Variants in PDK2 observed in about 807,000 individuals in gnomAD.
PDK2 encodes pyruvate dehydrogenase kinase, isozyme 2.
PDK2 carries 34 observed loss-of-function variants against 50.4 expected under a neutral mutation model. The observed-to-expected ratio is 0.68, with a 90% CI of 0.51 to 0.90. The LOEUF (loss-of-function observed/expected upper bound fraction) is 0.90, where lower values mean the gene tolerates loss of function less well. Among genes scored for constraint, PDK2 ranks in the 40% least tolerant of loss-of-function variants. PDK2 has a pLI of 0.00. For missense variants in PDK2, 377 were observed against 544.5 expected, an observed-to-expected ratio of 0.69 and a Z score of 3.06; for synonymous variants, 232 against 216.0, an observed-to-expected ratio of 1.07 and a Z score of -0.65.
chr17:50,097,413 C>A lies in PDK2; in HGVS notation c.119-10C>A. On this transcript the variant is annotated splice_polypyrimidine_tract_variant and intron_variant, in intron 1 of 10. Transcript: ENST00000503176. The stretch of plus-strand genomic sequence containing the variant: ...GTGGCTCTGTGGCTCACCCCTCTTT[C>A]TCCTGCCAGGATCCAGCAATGCCTG... 6.2e-7 allele frequency: 1 copy of A among 1,613,226 alleles called. No homozygotes were observed. The highest frequency in any genetic ancestry group is 8.5e-7 in the Non-Finnish European group (1 of 1,179,914).
At position 50,099,569 on chromosome 17, in the gene PDK2, G is replaced by A. The variant is rs7216627; in HGVS notation, c.260+2005G>A. ...AGCACTTTGGGAGGCCGAGGCGGGCGGATCACAAGGTCAGGAGATCGAGAC... is the reference window on the plus strand; with the variant it reads ...AGCACTTTGGGAGGCCGAGGCGGGCAGATCACAAGGTCAGGAGATCGAGAC... On this transcript the variant is annotated intron_variant, in intron 2 of 10. Transcript: ENST00000503176. 5.8e-3 allele frequency among the ~76,000 whole-genome samples: 887 copies of A among 152,272 alleles called. 6 individuals carry two copies. Among genetic ancestry groups the A allele is most frequent in the African/African-American group, 0.02 (837 of 41,548 alleles).
chr17:50,111,913 G>C lies in PDK2; in HGVS notation c.*1816G>C, dbSNP rs889378250. The C allele has an allele frequency of 1.3e-4, 20 of 152,100 alleles. No individual in the cohort carries two copies. Among genetic ancestry groups the C allele is most frequent in the African/African-American group, 4.8e-4 (20 of 41,394 alleles). 9.4% of individuals were successfully genotyped at this position (152,100 alleles called of 1,614,324 possible). ...TCCCTGACAATGCCTGGGGCAGATGGGGGAGGGCTGATGAACCTTTCCAAT... is the reference window on the plus strand; with the variant it reads ...TCCCTGACAATGCCTGGGGCAGATGCGGGAGGGCTGATGAACCTTTCCAAT... On this transcript the variant is annotated 3_prime_UTR_variant, in exon 11 of 11. Transcript: ENST00000503176.
At chr17:50,108,748 A>G (rs1312561293) in intron 9 of PDK2, 29 bp downstream of exon 9, 4 of 1,330,590 alleles carry the variant, frequency 3.0e-6, no homozygotes, top group African/African-American at 1.8e-5. Flanking sequence ...AGCCCCTCCC[A>G]CCTCCTGAGG....
Position 50,107,117 on chromosome 17 carries a change from A to G in PDK2, c.649A>G (p.Met217Val), listed in dbSNP as rs975948762. ...MAKLLCDKYY[M>V]ASPDLEIQEI... The stretch of plus-strand genomic sequence containing the variant: ...TAAGCTCCTGTGTGACAAGTATTAC[A>G]TGGCCTCACCTGACCTGGAGATCCA... Residue 217 changes from methionine to valine, a missense_variant, in exon 6 of 11, where the codon ATG becomes GTG. Around this residue, in one of 3 missense-constraint regions of PDK2, gnomAD observed 214 missense variants for 294.0 expected, o/e 0.73. Coordinates refer to ENST00000503176, the MANE Select transcript of PDK2 (RefSeq NM_002611.5). 1.2e-5 allele frequency: 20 copies of G among 1,613,974 alleles called. No homozygotes were observed. Among genetic ancestry groups the G allele is most frequent in the East Asian group, 2.2e-5 (1 of 44,890 alleles).
At chr17:50,095,582 G>C (rs1193548098) in intron 1 of PDK2, 29 bp downstream of exon 1, 1 of 1,560,944 alleles carries the variant, frequency 6.4e-7, no homozygotes, top group Admixed American at 1.8e-5. Context: ...GCGGCTGGCA[G>C]CGGAGGCCGG....
intron 5 of PDK2, 71 bp from the exon 6 acceptor site, chr17:50,107,005 C>T (rs1206030338): frequency 1.6e-5 from 23 of 1,471,546 alleles, no homozygotes; most frequent in Non-Finnish European, 2.0e-5. Context: ...TGGTGGTCCC[C>T]AGTATCAATG....
At chr17:50,106,260 T>C (rs1910511752) in intron 4 of PDK2, 191 bp downstream of exon 4, 1 of 1,403,378 alleles carries the variant, frequency 7.1e-7, no homozygotes, top group Non-Finnish European at 9.3e-7. Context: ...TCATTGATTT[T>C]CCATTTCAAA....
At position 50,101,627 on chromosome 17, in the gene PDK2, C is replaced by T. The variant is rs1372609321; in HGVS notation, c.261-3744C>T. Among the ~76,000 whole-genome samples, 1 of 152,158 alleles carries T rather than the reference C, an allele frequency of 6.6e-6. No individual in the cohort carries two copies. The highest frequency in any genetic ancestry group is 1.5e-5 in the Non-Finnish European group (1 of 68,008). ...CATGCCACATGCACACAATTACACA[C>T]ACTCCCCCGCTGGCTCAGCACCCCC... On this transcript the variant is annotated intron_variant, in intron 2 of 10. Transcript: ENST00000503176. The surrounding 1 kb of genome is among the most constrained non-coding windows in gnomAD (Gnocchi z 4.2).
At position 50,109,094 on chromosome 17, in the gene PDK2, G is replaced by T. The variant is rs114034901; in HGVS notation, c.970-193G>T. On this transcript the variant is annotated intron_variant, in intron 9 of 10. Transcript: ENST00000503176. The surrounding 1 kb of genome is among the most constrained non-coding windows in gnomAD (Gnocchi z 5.0). ...CTCTCTCTGCCCAAGCCTCCCTCCCGCATTCATGATTGCCCCATTCACCCC... is the reference window on the plus strand; with the variant it reads ...CTCTCTCTGCCCAAGCCTCCCTCCCTCATTCATGATTGCCCCATTCACCCC... 2.0e-5 allele frequency among the ~76,000 whole-genome samples: 3 copies of T among 151,820 alleles called. No homozygotes were observed. The highest frequency in any genetic ancestry group is 4.4e-5 in the Non-Finnish European group (3 of 67,940).
At chr17:50,108,294 A>C (rs376051600) in intron 7 of PDK2, 25 bp from the exon 8 acceptor site, 17 of 1,611,234 alleles carry the variant, frequency 1.1e-5, no homozygotes, top group Non-Finnish European at 1.4e-5. Flanking sequence ...TCTCCCATGC[A>C]TCTCTTACCT....
chr17:50,095,229 CG>C, upstream of PDK2: 1 of 508,698 alleles, frequency 2.0e-6, no homozygotes, highest in Non-Finnish European at 3.5e-6. Flanking sequence ...AGCCACGTGC[CG>C]GGGCGGAAGG....
At chr17:50,095,909 T>G in intron 1 of PDK2, 1 of 635,876 alleles carries the variant, frequency 1.6e-6, no homozygotes, top group Non-Finnish European at 2.0e-6. Flanking sequence ...ACTGGAGGAG[T>G]AGGGGCCCCT....
intron 2 of PDK2, among the ~76,000 whole-genome samples, chr17:50,104,903 C>T (rs1248353437): frequency 6.6e-6 from 1 of 152,236 alleles, no homozygotes; most frequent in Non-Finnish European, 1.5e-5. Flanking sequence ...TGTGCTGGCC[C>T]TTCTGCCATT....
Position 50,095,371 on chromosome 17 carries a change from G to A in PDK2, c.-65G>A. 8.1e-7 allele frequency: 1 copy of A among 1,229,634 alleles called. No individual in the cohort carries two copies. The highest frequency in any genetic ancestry group is 1.2e-6 in the Non-Finnish European group (1 of 862,640). 76.2% of individuals were successfully genotyped at this position (1,229,634 alleles called of 1,614,324 possible). A position where few individuals can be genotyped will look rare whatever the true frequency, so the allele number is the denominator to read the frequency against. On this transcript the variant is annotated 5_prime_UTR_variant, in exon 1 of 11. Coordinates refer to ENST00000503176, the MANE Select transcript of PDK2 (RefSeq NM_002611.5). ...GAGGAGGCGGCCGAACCGCGTCGCTGGGCCGAAAGGTGCGCGAGCGCTGCC... is the reference window on the plus strand; with the variant it reads ...GAGGAGGCGGCCGAACCGCGTCGCTAGGCCGAAAGGTGCGCGAGCGCTGCC...
chr17:50,106,997 G>C, intron 5 of PDK2, 79 bp from the exon 6 acceptor site: 1 of 1,460,928 alleles, frequency 6.8e-7, no homozygotes, highest in South Asian at 1.1e-5. Context: ...TTTAATGCTG[G>C]TGGTCCCCAG....
chr17:50,096,612 C>T (rs1445601414), intron 1 of PDK2, among the ~76,000 whole-genome samples: 1 of 152,148 alleles, frequency 6.6e-6, no homozygotes, highest in Non-Finnish European at 1.5e-5. Flanking sequence ...GCCTCCTGGG[C>T]CCACCCCTAG....
rs1271664425 is a variant in PDK2, at chr17:50,109,984, C to G, written c.1111C>G (p.Leu371Val). 6.3e-7 allele frequency: 1 copy of G among 1,587,544 alleles called. No individual in the cohort carries two copies. The highest frequency in any genetic ancestry group is 1.3e-5 in the African/African-American group (1 of 74,448). ...KALSTDSVER[L>V]PVYNKSAWRH... ...CCTGTCCACGGACTCGGTGGAGCGC[C>G]TGCCTGTCTACAACAAGTCAGCCTG... Residue 371 changes from leucine (L) to valine (V), a missense_variant, in exon 11 of 11, where the codon CTG becomes GTG. By Grantham distance (32) the Leu-to-Val change is conservative (BLOSUM62 1). This residue lies in a region of PDK2 where 214 missense variants were observed against 294.0 expected (regional missense o/e 0.73). Transcript: ENST00000503176. This position sits in a 1 kb window ranked among gnomAD's most constrained non-coding sequence, Gnocchi z 5.0.
Position 50,099,792 on chromosome 17 carries a change from C to T in PDK2, c.260+2228C>T, listed in dbSNP as rs192919674. On this transcript the variant is annotated intron_variant, in intron 2 of 10. Transcript: ENST00000503176. ...TGGGCGACAGAGCGAGACTCCGTCTCAAAAATGAAAGAAAGAAAGATTCAG... is the reference window on the plus strand; with the variant it reads ...TGGGCGACAGAGCGAGACTCCGTCTTAAAAATGAAAGAAAGAAAGATTCAG... 1.5e-3 allele frequency among the ~76,000 whole-genome samples: 227 copies of T among 152,318 alleles called. 1 individual carries two copies. The highest frequency in any genetic ancestry group is 5.3e-3 in the African/African-American group (222 of 41,574).
chr17:50,103,540 GT>G (rs1439586226), intron 2 of PDK2, among the ~76,000 whole-genome samples: 1 of 152,192 alleles, frequency 6.6e-6, no homozygotes, highest in African/African-American at 2.4e-5. Flanking sequence ...CCACAAAGCA[GT>G]CATAAATAGA....
Sources: allele counts gnomAD v4.1 joint callset (sites outside exome capture counted in the v4.1 genomes callset), GRCh38; gene constraint gnomAD v4.1.1; regional missense constraint gnomAD v4.1.1; non-coding constraint Gnocchi (gnomAD v3.1); transcripts MANE v1.5; gene names NCBI Gene and HGNC (gene_info 2026-07-23, HGNC 2026-07-21).